BRD4: variants seen among roughly 807,000 people sequenced by gnomAD.
BRD4 encodes the protein bromodomain-containing protein 4.
BRD4 carries 16 observed loss-of-function variants against 142.1 expected under a neutral mutation model. That is an observed-to-expected ratio of 0.11 (90% CI 0.08 to 0.17). The LOEUF (loss-of-function observed/expected upper bound fraction) is 0.17. Among genes scored for constraint, BRD4 ranks in the 10% least tolerant of loss-of-function variants. BRD4 has a pLI of 1.00. For missense variants in BRD4, 1,424 were observed against 1,810.9 expected, an observed-to-expected ratio of 0.79 and a Z score of 3.88; for synonymous variants, 833 against 707.5, an observed-to-expected ratio of 1.18 and a Z score of -2.82.
chr19:15,309,900 C>A (rs1036378792), intron 1 of BRD4, among the ~76,000 whole-genome samples: 1 of 152,158 alleles, frequency 6.6e-6, no homozygotes, highest in Non-Finnish European at 1.5e-5. Context: ...TCACAGAACA[C>A]TGAGTGCGGA....
At chr19:15,243,767 GTC>G (rs1189749093) in intron 13 of BRD4, among the ~76,000 whole-genome samples, 7 of 152,218 alleles carry the variant, frequency 4.6e-5, no homozygotes, top group Admixed American at 4.6e-4. Flanking sequence ...GCAGAACTCG[GTC>G]TCTCACTTGC....
At position 15,272,088 on chromosome 19, in the gene BRD4, T is replaced by A. The variant is rs559860356; in HGVS notation, c.285+727A>T. Among the ~76,000 whole-genome samples, 6 of 152,244 alleles carry A rather than the reference T, an allele frequency of 3.9e-5. No individual in the cohort carries two copies. The South Asian group carries it at 1.2e-3, about 32-fold the overall frequency. On this transcript the variant is annotated intron_variant, in intron 2 of 19. Coordinates refer to ENST00000679869, the MANE Select transcript of BRD4 (RefSeq NM_001379291.1). ...CTTTAAAGAAAAAAAAACTGAAGCA[T>A]TTATTCCATCTGCTCCCTGAGGTTC... is the stretch of plus-strand genomic sequence containing the variant.
rs17707730 is a variant in BRD4 at position 15,255,394 on chromosome 19, G to A, written c.1950C>T (p.Asp650=). The stretch of plus-strand genomic sequence containing the variant: ...GGGTCTCAAAGTCGATTTCAATCTC[G>A]TCGGGGTTGGAATTCTTCAGGGAGG... ...REPSLKNSNP[D]EIEIDFETLK... Residue 650 remains aspartate (D), a synonymous_variant, in exon 10 of 20, where the codon GAC becomes GAT. Transcript: ENST00000679869. 9.2e-3 allele frequency: 14,887 copies of A among 1,614,010 alleles called. 287 individuals carry two copies. Among genetic ancestry groups the A allele is most frequent in the African/African-American group, 0.075 (5,655 of 74,962 alleles).
chr19:15,249,904 C>G (rs1027775289), intron 11 of BRD4, among the ~76,000 whole-genome samples: 1 of 152,146 alleles, frequency 6.6e-6, no homozygotes, highest in African/African-American at 2.4e-5. Context: ...AAAAGCAGAA[C>G]CTATTATATA....
rs558693599 is a variant in BRD4 at position 15,314,892 on chromosome 19, T to C, written c.-35+17398A>G. On this transcript the variant is annotated intron_variant, in intron 1 of 19. Coordinates refer to ENST00000679869, the MANE Select transcript of BRD4 (RefSeq NM_001379291.1). Reference sequence around the variant, plus strand: ...AAGGTCTAGACCAGACCTTGGAAGATGGAGGAAATGGAGTTTGGGGGGATG... The same window carrying C: ...AAGGTCTAGACCAGACCTTGGAAGACGGAGGAAATGGAGTTTGGGGGGATG... 4.6e-5 allele frequency among the ~76,000 whole-genome samples: 7 copies of C among 152,198 alleles called. No individual in the cohort carries two copies. The South Asian group carries it at 1.0e-3, about 23-fold the overall frequency.
intron 1 of BRD4, among the ~76,000 whole-genome samples, chr19:15,329,660 A>G (rs1406711967): frequency 6.6e-6 from 1 of 152,068 alleles, no homozygotes; most frequent in Non-Finnish European, 1.5e-5. Context: ...ACTCGCTTGA[A>G]CCCAGGAGGC....
rs2145498893 is a variant in BRD4, at chr19:15,238,965, C to T, written c.3798G>A (p.Glu1266=). ...RQERMRSRED[E]DALEQARRAH... is the part of the protein sequence containing the mutation. The stretch of plus-strand genomic sequence containing the variant: ...CCCGCCGGGCCTGCTCCAGCGCATC[C>T]TCGTCCTCTCGGCTCCTGGGCAGAG... Residue 1266 remains glutamate, a synonymous_variant, in exon 19 of 20, where the codon GAG becomes GAA. Coordinates refer to ENST00000679869, the MANE Select transcript of BRD4 (RefSeq NM_001379291.1). This position sits in a 1 kb window ranked among gnomAD's most constrained non-coding sequence, Gnocchi z 7.2. 6.3e-7 allele frequency: 1 copy of T among 1,589,302 alleles called. No individual in the cohort carries two copies. Among genetic ancestry groups the T allele is most frequent in the Non-Finnish European group, 8.5e-7 (1 of 1,169,602 alleles).
chr19:15,302,520 T>C (rs1418506193), intron 1 of BRD4, among the ~76,000 whole-genome samples: 5 of 151,986 alleles, frequency 3.3e-5, no homozygotes, highest in Admixed American at 1.3e-4. Context: ...AATGCAAAAA[T>C]TAGCCAGGCA....
intron 7 of BRD4, among the ~76,000 whole-genome samples, chr19:15,258,923 AGCAGGTCTGAGACAAGGAAGAAG>A (rs2145581609): frequency 6.6e-6 from 1 of 152,320 alleles, no homozygotes; most frequent in East Asian, 1.9e-4. Flanking sequence ...TAACTCCTTG[AGCAGGTCTGAGACAAGGAAGAAG>A]ATACACAACA....
chr19:15,304,697 C>T (rs1568405340), intron 1 of BRD4, among the ~76,000 whole-genome samples: 1 of 152,174 alleles, frequency 6.6e-6, no homozygotes, highest in Non-Finnish European at 1.5e-5. Context: ...TTACTGAATG[C>T]TTACTGAGAC....
At chr19:15,262,838 T>C (rs2047488348) in intron 7 of BRD4, among the ~76,000 whole-genome samples, 2 of 152,208 alleles carry the variant, frequency 1.3e-5, no homozygotes, top group African/African-American at 2.4e-5. Flanking sequence ...TTTTTAAACT[T>C]AGGTATTTTT....
At chr19:15,275,377 G>A (rs2047635244) in intron 1 of BRD4, among the ~76,000 whole-genome samples, 1 of 152,154 alleles carries the variant, frequency 6.6e-6, no homozygotes, top group Non-Finnish European at 1.5e-5. Context: ...GGAAACCAAG[G>A]CAGAGAGAAG....
intron 1 of BRD4, among the ~76,000 whole-genome samples, chr19:15,297,467 C>T (rs1568402596): frequency 6.6e-6 from 1 of 152,210 alleles, no homozygotes; most frequent in African/African-American, 2.4e-5. Context: ...CCTGGCTTCA[C>T]AGAGTTTTAA....
intron 1 of BRD4, among the ~76,000 whole-genome samples, chr19:15,313,449 G>C (rs1341395153): frequency 6.7e-6 from 1 of 149,082 alleles, no homozygotes; most frequent in Admixed American, 6.8e-5. Context: ...GAGGCGGGTG[G>C]ATCATCTGAG....
At chr19:15,321,565 T>G (rs1175720971) in intron 1 of BRD4, among the ~76,000 whole-genome samples, 1 of 151,914 alleles carries the variant, frequency 6.6e-6, no homozygotes, top group Admixed American at 6.6e-5. Context: ...GTCAGAACAT[T>G]AGTGATAAAG....
intron 1 of BRD4, among the ~76,000 whole-genome samples, chr19:15,322,889 A>G (rs1411911728): frequency 4.7e-5 from 7 of 148,248 alleles, no homozygotes. Context: ...AAAAAAGAAA[A>G]GAAAAGAAAA....
chr19:15,299,980 C>T (rs544164501), intron 1 of BRD4, among the ~76,000 whole-genome samples: 1 of 152,236 alleles, frequency 6.6e-6, no homozygotes, highest in Non-Finnish European at 1.5e-5. Context: ...CACAGTGATT[C>T]ATGCCTGCAA....
chr19:15,325,141 C>A (rs28465523), intron 1 of BRD4, among the ~76,000 whole-genome samples: 6,040 of 152,272 alleles, frequency 0.04, 335 homozygotes, highest in African/African-American at 0.12. Flanking sequence ...GCTGCCAAGC[C>A]CTGTGCTGTG....
chr19:15,323,370 C>A (rs1211675603), intron 1 of BRD4, among the ~76,000 whole-genome samples: 1 of 152,144 alleles, frequency 6.6e-6, no homozygotes, highest in East Asian at 1.9e-4. Flanking sequence ...CCAGTATGGC[C>A]CAGACTGGCA....
Sources: allele counts gnomAD v4.1 joint callset (sites outside exome capture counted in the v4.1 genomes callset), GRCh38; gene constraint gnomAD v4.1.1; non-coding constraint Gnocchi (gnomAD v3.1); transcripts MANE v1.5; gene names NCBI Gene and HGNC (gene_info 2026-07-23, HGNC 2026-07-21).